The following FAM120A variants were observed in gnomAD, a reference collection of about 807,000 sequenced individuals.
FAM120A encodes the protein constitutive coactivator of PPAR-gamma-like protein 1.
FAM120A carries 15 observed loss-of-function variants against 109.7 expected under a neutral mutation model. The observed-to-expected ratio is 0.14, with a 90% confidence interval of 0.09 to 0.21. The LOEUF (loss-of-function observed/expected upper bound fraction) is 0.21, where lower values mean the gene tolerates loss of function less well. Among genes scored for constraint, FAM120A ranks in the 10% least tolerant of loss-of-function variants. FAM120A has a pLI of 1.00. For missense variants in FAM120A, 899 were observed against 1,439.3 expected (o/e 0.62, Z 6.07); for synonymous variants, 493 against 572.8 (o/e 0.86, Z 1.99).
chr9:93,518,988 ATTC>A (rs972227214), intron 7 of FAM120A, among the ~76,000 whole-genome samples: 14 of 152,046 alleles, frequency 9.2e-5, no homozygotes, highest in Admixed American at 3.9e-4. Context: ...GCCCAAGACA[ATTC>A]TTCTTCTTCC....
rs781071884 is a variant in FAM120A at position 93,543,433 on chromosome 9, C to T, written c.2121C>T (p.Asn707=). 12 of 1,614,040 alleles carry T rather than the reference C, an allele frequency of 7.4e-6. No homozygotes were observed. The highest frequency in any genetic ancestry group is 4.0e-5 in the African/African-American group (3 of 74,916). ...CCCCAGCCATGCTCAACCCTGCCAA[C>T]GTGCCCACTCACCTCATGGTGCTCT... ...SDTPAMLNPA[N]VPTHLMVLCC... The change falls in exon 11 of 18, where the codon AAC becomes AAT. Residue 707 remains asparagine (N), a synonymous_variant. Coordinates refer to ENST00000277165, the MANE Select transcript of FAM120A (RefSeq NM_014612.5).
intron 5 of FAM120A, among the ~76,000 whole-genome samples, chr9:93,499,972 G>A (rs28728320): frequency 0.023 from 3,467 of 152,342 alleles, 131 homozygotes; most frequent in African/African-American, 0.078. Context: ...TATGTATGTG[G>A]CTGGGTGGTG....
At chr9:93,510,206 T>G (rs998826170) in intron 5 of FAM120A, among the ~76,000 whole-genome samples, 15 of 152,230 alleles carry the variant, frequency 9.9e-5, no homozygotes, top group African/African-American at 3.6e-4. Context: ...CTCTGCGACC[T>G]TTCGCTCCAT....
chr9:93,530,941 C>A (rs1367075793), intron 9 of FAM120A: 1 of 152,164 alleles, frequency 6.6e-6, no homozygotes, highest in East Asian at 1.9e-4. Flanking sequence ...ATGAGGGTTG[C>A]AAATTGTACC....
chr9:93,522,186 G>A (rs1860873461), intron 7 of FAM120A, among the ~76,000 whole-genome samples: 1 of 152,100 alleles, frequency 6.6e-6, no homozygotes, highest in Admixed American at 6.5e-5. Flanking sequence ...CAAATCTGAG[G>A]TTACTGTATT....
rs563273468 is a variant in FAM120A, at chr9:93,456,817, G to C, written c.474+4428G>C. Among the ~76,000 whole-genome samples the C allele has an allele frequency of 7.9e-5, 12 of 152,298 alleles. No homozygotes were observed. The East Asian group carries it at 1.7e-3, about 22-fold the overall frequency. ...CTAACTGCTTCAGCTATGTTTTCTA[G>C]TTAGGATAGGAACAGTCATGTTGCT... On this transcript the variant is annotated intron_variant, in intron 1 of 17. Coordinates refer to ENST00000277165, the MANE Select transcript of FAM120A (RefSeq NM_014612.5).
At chr9:93,544,585 CT>C (rs958907954) in intron 11 of FAM120A, among the ~76,000 whole-genome samples, 1 of 152,036 alleles carries the variant, frequency 6.6e-6, no homozygotes, top group East Asian at 1.9e-4. Flanking sequence ...ATACAGAAAC[CT>C]TTTTTTTAAC....
intron 3 of FAM120A, 88 bp from the exon 4 acceptor site, chr9:93,497,380 GCTC>G: frequency 6.6e-7 from 1 of 1,506,028 alleles, no homozygotes; most frequent in East Asian, 2.3e-5. Flanking sequence ...TTAGATGGTA[GCTC>G]CTTGTTGAAT....
chr9:93,540,864 G>A (rs1228411366), intron 10 of FAM120A, among the ~76,000 whole-genome samples: 1 of 151,874 alleles, frequency 6.6e-6, no homozygotes, highest in Non-Finnish European at 1.5e-5. Flanking sequence ...TTTTTTTATA[G>A]AATGAAAACA....
chr9:93,476,387 G>C (rs1384409053), intron 3 of FAM120A, 49 bp downstream of exon 3: 1 of 1,246,586 alleles, frequency 8.0e-7, no homozygotes, highest in South Asian at 1.2e-5. Flanking sequence ...TCAACTGTGA[G>C]TTTGCTATTA....
intron 12 of FAM120A, among the ~76,000 whole-genome samples, chr9:93,552,788 T>C (rs1302413495): frequency 6.6e-6 from 1 of 152,240 alleles, no homozygotes; most frequent in Non-Finnish European, 1.5e-5. Context: ...TAATACACCA[T>C]TCATAGTTTG....
chr9:93,479,452 T>C (rs182943444), intron 3 of FAM120A, among the ~76,000 whole-genome samples: 39 of 152,302 alleles, frequency 2.6e-4, no homozygotes, highest in Non-Finnish European at 4.3e-4. Context: ...AAATTTGGCT[T>C]TGGCAAAATA....
chr9:93,497,654 A>G (rs1859631178), intron 4 of FAM120A, 55 bp downstream of exon 4: 1 of 1,557,594 alleles, frequency 6.4e-7, no homozygotes, highest in South Asian at 1.2e-5. Context: ...ATGACGTTGC[A>G]TAGTGGTGTG....
intron 3 of FAM120A, among the ~76,000 whole-genome samples, chr9:93,482,344 C>A (rs1485882222): frequency 1.3e-5 from 2 of 151,934 alleles, no homozygotes; most frequent in Admixed American, 6.6e-5. Flanking sequence ...CACGCTGTTG[C>A]CACATCCAGC....
chr9:93,558,626 G>C lies in FAM120A; in HGVS notation c.2714G>C (p.Gly905Ala). The change falls in exon 15 of 18, where the codon GGC (glycine) becomes GCC (alanine). Residue 905 changes from glycine to alanine, a missense_variant. Coordinates refer to ENST00000277165, the MANE Select transcript of FAM120A (RefSeq NM_014612.5). ...CCCTATGGGGAAACGGTAGCAACAG[G>C]CCCTTACCGTGCCTTCCGTGTGGCG... ...GGPYGETVATGPYRAFRVAAA... is the reference protein window; with the variant it reads ...GGPYGETVATAPYRAFRVAAA... 1 of 1,614,214 alleles carries C rather than the reference G, an allele frequency of 6.2e-7. No individual in the cohort carries two copies. The highest frequency in any genetic ancestry group is 8.5e-7 in the Non-Finnish European group (1 of 1,180,024).
At chr9:93,460,367 A>G (rs565350336) in intron 1 of FAM120A, among the ~76,000 whole-genome samples, 1 of 152,180 alleles carries the variant, frequency 6.6e-6, no homozygotes, top group African/African-American at 2.4e-5. Context: ...TTTGAGATGA[A>G]GTCTCACTCT....
At chr9:93,513,916 T>C (rs1860452191) in intron 5 of FAM120A, among the ~76,000 whole-genome samples, 1 of 151,640 alleles carries the variant, frequency 6.6e-6, no homozygotes, top group South Asian at 2.1e-4. Flanking sequence ...AATGTTTCTG[T>C]CCTTACCTAT....
At chr9:93,546,521 G>A (rs1437110933) in intron 11 of FAM120A, among the ~76,000 whole-genome samples, 1 of 152,220 alleles carries the variant, frequency 6.6e-6, no homozygotes, top group Non-Finnish European at 1.5e-5. Context: ...GTGCCTCGTG[G>A]CCTGCTGTGT....
At chr9:93,522,730 G>A (rs531308451) in intron 7 of FAM120A, among the ~76,000 whole-genome samples, 1 of 152,310 alleles carries the variant, frequency 6.6e-6, no homozygotes, top group Admixed American at 6.5e-5. Flanking sequence ...AAGCCCTGTG[G>A]AACAAGGACA....
Sources: gnomAD v4.1 joint callset for allele counts (sites outside exome capture counted in the v4.1 genomes callset) on GRCh38, gnomAD v4.1.1 for gene constraint, MANE v1.5 for transcripts, NCBI Gene and HGNC (gene_info 2026-07-23, HGNC 2026-07-21) for gene names.